Variants in EXOC4 observed in about 807,000 individuals in gnomAD.
EXOC4 encodes exocyst complex component 4.
Under a neutral mutation model 107.2 loss-of-function variants are expected in EXOC4, and 71 were observed. The observed-to-expected ratio is 0.66, with a 90% confidence interval of 0.55 to 0.81. The LOEUF is 0.81. EXOC4 is among the 30% of genes least tolerant of loss of function. The pLI is 0.00. For synonymous variants in EXOC4, 456 were observed against 441.2 expected, an observed-to-expected ratio of 1.03 and a Z score of -0.42; for missense variants, 1,108 against 1,189.6, an observed-to-expected ratio of 0.93 and a Z score of 1.01.
intron 17 of EXOC4, among the ~76,000 whole-genome samples, chr7:134,063,417 A>G (rs1420995698): frequency 6.6e-6 from 1 of 152,214 alleles, no homozygotes; most frequent in African/African-American, 2.4e-5. Flanking sequence ...GTGAAAAAAC[A>G]GTCTTGAACT....
intron 11 of EXOC4, among the ~76,000 whole-genome samples, chr7:133,866,189 A>C (rs948358709): frequency 1.3e-4 from 20 of 152,166 alleles, no homozygotes; most frequent in African/African-American, 4.6e-4. Flanking sequence ...ACTATACTAC[A>C]AATACTTTAA....
intron 11 of EXOC4, among the ~76,000 whole-genome samples, chr7:133,882,928 TA>T (rs1402348564): frequency 6.6e-6 from 1 of 152,200 alleles, no homozygotes; most frequent in African/African-American, 2.4e-5. Context: ...CTTTTGATGT[TA>T]ACCTTACAAA....
At position 133,724,405 on chromosome 7, in the gene EXOC4, G is replaced by T. The variant is rs117467509; in HGVS notation, c.1515-92920G>T. Among the ~76,000 whole-genome samples the T allele has an allele frequency of 2.7e-3, 415 of 152,280 alleles. 6 individuals carry two copies. The East Asian group carries it at 0.053, about 20-fold the overall frequency. On this transcript the variant is annotated intron_variant, in intron 10 of 17. Coordinates refer to ENST00000253861, the MANE Select transcript of EXOC4 (RefSeq NM_021807.4). ...CCTTAATTCTTCCGGAAACTCGTTTGCTGGGTGTTTTCATTCATAAGTTCA... is the reference window on the plus strand; with the variant it reads ...CCTTAATTCTTCCGGAAACTCGTTTTCTGGGTGTTTTCATTCATAAGTTCA...
At chr7:133,349,226 G>A (rs1795854657) in intron 5 of EXOC4, among the ~76,000 whole-genome samples, 1 of 151,736 alleles carries the variant, frequency 6.6e-6, no homozygotes, top group South Asian at 2.1e-4. Flanking sequence ...TACATTGATA[G>A]TGTTGTGCAA....
intron 10 of EXOC4, among the ~76,000 whole-genome samples, chr7:133,743,230 G>A (rs1795605572): frequency 6.6e-6 from 1 of 152,074 alleles, no homozygotes; most frequent in Admixed American, 6.6e-5. Context: ...GCTGCTTATG[G>A]GTTTTCAATA....
At chr7:133,328,240 G>A (rs1795294679) in intron 5 of EXOC4, among the ~76,000 whole-genome samples, 3 of 149,274 alleles carry the variant, frequency 2.0e-5, no homozygotes, top group Admixed American at 2.0e-4. Flanking sequence ...TCTGAGACTA[G>A]GATTGCAACC....
At chr7:133,902,325 T>C (rs1799470700) in intron 12 of EXOC4, among the ~76,000 whole-genome samples, 1 of 152,198 alleles carries the variant, frequency 6.6e-6, no homozygotes. Flanking sequence ...TTCAGGAATT[T>C]TTTTGATCTC....
At chr7:133,735,046 TAAAAAAAAAA>T (rs3076789) in intron 10 of EXOC4, among the ~76,000 whole-genome samples, 3 of 94,740 alleles carry the variant, frequency 3.2e-5, no homozygotes, top group Non-Finnish European at 6.0e-5. Context: ...CCGTCTCTGC[TAAAAAAAAAA>T]AAAAAAAAAA....
At chr7:133,412,149 G>C (rs973843188) in intron 7 of EXOC4, among the ~76,000 whole-genome samples, 5 of 151,966 alleles carry the variant, frequency 3.3e-5, no homozygotes, top group Admixed American at 2.0e-4. Context: ...TGCTTTTGAT[G>C]GGCTATTACC....
intron 10 of EXOC4, among the ~76,000 whole-genome samples, chr7:133,686,937 G>A (rs1451980400): frequency 6.6e-6 from 1 of 151,624 alleles, no homozygotes; most frequent in Non-Finnish European, 1.5e-5. Context: ...ATTCGCAATT[G>A]CAAAAATACA....
intron 9 of EXOC4, among the ~76,000 whole-genome samples, chr7:133,484,797 G>T (rs1225061354): frequency 6.6e-6 from 1 of 151,968 alleles, no homozygotes; most frequent in Non-Finnish European, 1.5e-5. Flanking sequence ...AATCATTTTG[G>T]GCCAGACACA....
chr7:133,983,053 A>G (rs1213365268), intron 14 of EXOC4, among the ~76,000 whole-genome samples: 2 of 152,208 alleles, frequency 1.3e-5, no homozygotes, highest in South Asian at 2.1e-4. Flanking sequence ...CAGTGCTAGC[A>G]TCTGCTTCTG....
At chr7:133,995,131 G>T (rs935300912) in intron 14 of EXOC4, among the ~76,000 whole-genome samples, 1 of 152,070 alleles carries the variant, frequency 6.6e-6, no homozygotes, top group African/African-American at 2.4e-5. Context: ...CTCATTCTAA[G>T]TTTTACCTCA....
chr7:133,265,397 C>A, intron 1 of EXOC4, among the ~76,000 whole-genome samples: 1 of 150,626 alleles, frequency 6.6e-6, no homozygotes, highest in Non-Finnish European at 1.5e-5. Context: ...CAGAGCTAGA[C>A]TCTGTCTAAA....
At chr7:133,821,846 C>T (rs1366735495) in intron 11 of EXOC4, among the ~76,000 whole-genome samples, 1 of 152,124 alleles carries the variant, frequency 6.6e-6, no homozygotes, top group Non-Finnish European at 1.5e-5. Flanking sequence ...AGAGGAAACA[C>T]TCAATATTTA....
chr7:133,741,238 C>T (rs946459900), intron 10 of EXOC4, among the ~76,000 whole-genome samples: 1 of 152,126 alleles, frequency 6.6e-6, no homozygotes, highest in African/African-American at 2.4e-5. Context: ...CCGTTCTTGC[C>T]TCTAAACACA....
chr7:133,314,318 A>G (rs867106072), intron 4 of EXOC4, among the ~76,000 whole-genome samples: 7 of 152,196 alleles, frequency 4.6e-5, no homozygotes, highest in South Asian at 4.1e-4. Flanking sequence ...GTCCTTTCAT[A>G]AAACAGCAGG....
chr7:134,069,422 CCTCTT>C (rs1796241584), downstream of EXOC4, among the ~76,000 whole-genome samples: 1 of 150,480 alleles, frequency 6.6e-6, no homozygotes, highest in Admixed American at 6.6e-5. Context: ...CCTCCTTCCT[CCTCTT>C]CTCCTCCTCC....
At chr7:133,693,412 CCCACCCTGCTTG>C (rs1278769015) in intron 10 of EXOC4, among the ~76,000 whole-genome samples, 1 of 152,144 alleles carries the variant, frequency 6.6e-6, no homozygotes, top group Non-Finnish European at 1.5e-5. Context: ...TTAGATGGTG[CCCACCCTGCTTG>C]AGGGTGGGTC....
Sources: allele counts gnomAD v4.1 joint callset (sites outside exome capture counted in the v4.1 genomes callset), GRCh38; gene constraint gnomAD v4.1.1; transcripts MANE v1.5; gene names NCBI Gene and HGNC (gene_info 2026-07-23, HGNC 2026-07-21).